Variants in TRDN observed in about 807,000 individuals in gnomAD.
TRDN encodes triadin, also known as triadin in skeletal muscle.
In TRDN, 161 loss-of-function variants were observed where a neutral mutation model predicts 149.7. The ratio of observed to expected loss-of-function variants is 1.08; its 90% CI spans 0.95 to 1.23. The LOEUF is 1.23. Ranked by LOEUF, TRDN falls within the 50% of genes most tolerant of loss-of-function variation. The pLI is 0.00. For missense variants in TRDN, 896 were observed against 823.5 expected (o/e 1.09, Z -1.08); for synonymous variants, 294 against 250.5 (o/e 1.17, Z -1.64).
chr6:123,418,082 T>C (rs1562303328), intron 12 of TRDN, among the ~76,000 whole-genome samples: 1 of 152,146 alleles, frequency 6.6e-6, no homozygotes, highest in African/African-American at 2.4e-5. Context: ...GAAAGTGGGA[T>C]TCAGACACTA....
chr6:123,568,898 T>G (rs1199281903), intron 2 of TRDN, among the ~76,000 whole-genome samples: 3 of 152,230 alleles, frequency 2.0e-5, no homozygotes, highest in Admixed American at 1.3e-4. Context: ...CGCAAATTTC[T>G]CTAGCAAGTG....
intron 2 of TRDN, among the ~76,000 whole-genome samples, chr6:123,554,987 C>G (rs1038362615): frequency 2.0e-5 from 3 of 152,228 alleles, no homozygotes; most frequent in East Asian, 1.9e-4. Context: ...AAACAAGAAG[C>G]TTGCACAGTG....
chr6:123,226,258 ATAACT>A (rs752886053), intron 38 of TRDN, among the ~76,000 whole-genome samples: 1 of 151,848 alleles, frequency 6.6e-6, no homozygotes, highest in Non-Finnish European at 1.5e-5. Flanking sequence ...ATGTTGTGAA[ATAACT>A]TAATATCTAT....
chr6:123,572,212 G>C (rs1158889522), intron 1 of TRDN, among the ~76,000 whole-genome samples: 1 of 151,770 alleles, frequency 6.6e-6, no homozygotes, highest in Non-Finnish European at 1.5e-5. Context: ...GTTTTTCCTT[G>C]GTATTTCTTT....
chr6:123,311,249 T>C (rs1778807102), intron 24 of TRDN, among the ~76,000 whole-genome samples: 1 of 151,860 alleles, frequency 6.6e-6, no homozygotes, highest in African/African-American at 2.4e-5. Flanking sequence ...CAGACACTTA[T>C]AAAACCATCA....
chr6:123,313,818 C>G (rs1479756712), intron 24 of TRDN, among the ~76,000 whole-genome samples: 1 of 151,962 alleles, frequency 6.6e-6, no homozygotes, highest in East Asian at 1.9e-4. Flanking sequence ...AAACTGGACC[C>G]CTTCTTTAGA....
At chr6:123,553,368 A>G (rs949286675) in intron 2 of TRDN, among the ~76,000 whole-genome samples, 1 of 152,046 alleles carries the variant, frequency 6.6e-6, no homozygotes, top group Non-Finnish European at 1.5e-5. Context: ...AAGAACAACT[A>G]AGAGGTGGAG....
intron 12 of TRDN, among the ~76,000 whole-genome samples, chr6:123,400,533 C>G (rs1772923194): frequency 6.6e-6 from 1 of 152,042 alleles, no homozygotes; most frequent in African/African-American, 2.4e-5. Flanking sequence ...GAATCTAAAG[C>G]CCCCGCTGAT....
rs777779916 is a variant in TRDN at position 123,218,699 on chromosome 6, T to C, written c.2092A>G (p.Asn698Asp). Residue 698 changes from asparagine (N) to aspartate (D), a missense_variant, in exon 41 of 41, where the codon AAT becomes GAT. Transcript: ENST00000334268. ...FFQCVYLDGY[N>D]GYGFQFPFTP... ...AAAGGAAACTGAAATCCATAGCCATTGTACCCATCCAAGTAGACACACTGG... is the reference window on the plus strand; with the variant it reads ...AAAGGAAACTGAAATCCATAGCCATCGTACCCATCCAAGTAGACACACTGG... The C allele has an allele frequency of 6.3e-7, 1 of 1,596,184 alleles. No homozygotes were observed. The highest frequency in any genetic ancestry group is 8.5e-7 in the Non-Finnish European group (1 of 1,169,688).
At position 123,464,991 on chromosome 6, in the gene TRDN, A is replaced by G; in HGVS notation, c.854-8T>C. ...GAATGGCTGGGCTTTGTCCTACACA[A>G]TGTAGAAGTAGGAATTGGAAAAAAA... On this transcript the variant is annotated splice_region_variant and splice_polypyrimidine_tract_variant and intron_variant, in intron 9 of 40. Transcript: ENST00000334268. 6.3e-7 allele frequency: 1 copy of G among 1,576,060 alleles called. No homozygotes were observed. Among genetic ancestry groups the G allele is most frequent in the Non-Finnish European group, 8.6e-7 (1 of 1,160,704 alleles).
intron 9 of TRDN, among the ~76,000 whole-genome samples, chr6:123,472,931 A>G (rs1386325228): frequency 6.6e-6 from 1 of 152,220 alleles, no homozygotes; most frequent in Non-Finnish European, 1.5e-5. Context: ...ATCCACACCA[A>G]AAACCCATCT....
intron 13 of TRDN, among the ~76,000 whole-genome samples, chr6:123,388,885 A>C (rs1267291759): frequency 1.3e-5 from 2 of 152,142 alleles, no homozygotes; most frequent in Non-Finnish European, 2.9e-5. Flanking sequence ...AAGGTCGTAA[A>C]ATATAGGCTG....
At chr6:123,290,780 T>C (rs1352610285) in intron 24 of TRDN, among the ~76,000 whole-genome samples, 1 of 152,162 alleles carries the variant, frequency 6.6e-6, no homozygotes. Flanking sequence ...TTTGTCTAAT[T>C]TGGAAGTTAT....
chr6:123,252,575 G>A, intron 37 of TRDN, 140 bp from the exon 38 acceptor site: 1 of 472,336 alleles, frequency 2.1e-6, no homozygotes, highest in East Asian at 3.3e-5. Flanking sequence ...ACAGTCATCT[G>A]TTGCCTGTCA....
At chr6:123,592,265 C>T (rs764005296) in intron 1 of TRDN, among the ~76,000 whole-genome samples, 6 of 152,098 alleles carry the variant, frequency 3.9e-5, no homozygotes, top group Non-Finnish European at 7.4e-5. Flanking sequence ...CTATCTGGCC[C>T]CTTCACACTG....
At chr6:123,489,246 C>G (rs58010327) in intron 9 of TRDN, among the ~76,000 whole-genome samples, 1 of 151,786 alleles carries the variant, frequency 6.6e-6, no homozygotes, top group African/African-American at 2.4e-5. Context: ...TTTGGGAGAA[C>G]ATGTACATAT....
At chr6:123,323,192 G>T (rs1251831105) in intron 23 of TRDN, among the ~76,000 whole-genome samples, 5 of 152,120 alleles carry the variant, frequency 3.3e-5, no homozygotes, top group African/African-American at 1.2e-4. Context: ...TTACATGTAT[G>T]GAAAAACACA....
At chr6:123,564,305 C>T (rs1426134457) in intron 2 of TRDN, among the ~76,000 whole-genome samples, 1 of 152,148 alleles carries the variant, frequency 6.6e-6, no homozygotes, top group African/African-American at 2.4e-5. Flanking sequence ...AAATGTGCTC[C>T]TTGAAAACTC....
chr6:123,424,611 A>T (rs896914033), intron 12 of TRDN, among the ~76,000 whole-genome samples: 1 of 152,162 alleles, frequency 6.6e-6, no homozygotes, highest in Admixed American at 6.6e-5. Flanking sequence ...TTTGAAATCT[A>T]AATGCTGAAA....
Sources: gnomAD v4.1 joint callset for allele counts (sites outside exome capture counted in the v4.1 genomes callset) on GRCh38, gnomAD v4.1.1 for gene constraint, MANE v1.5 for transcripts, NCBI Gene and HGNC (gene_info 2026-07-23, HGNC 2026-07-21) for gene names.